Variants in TEAD1 observed in about 807,000 individuals in gnomAD.
The protein encoded by TEAD1 is TEA domain transcription factor 1, also known as transcriptional enhancer factor TEF-1.
TEAD1 carries 9 observed loss-of-function variants against 54.9 expected under a neutral mutation model. That is an observed-to-expected ratio of 0.16 (90% CI 0.10 to 0.29). The LOEUF (loss-of-function observed/expected upper bound fraction) is 0.29, where lower values mean the gene tolerates loss of function less well. Ranked by LOEUF, TEAD1 falls within the 10% of genes least tolerant of loss-of-function variation. TEAD1 has a pLI of 1.00. For missense variants in TEAD1, 387 were observed against 535.9 expected, an observed-to-expected ratio of 0.72 and a Z score of 2.74; for synonymous variants, 200 against 187.8, an observed-to-expected ratio of 1.07 and a Z score of -0.53.
At chr11:12,685,764 A>G (rs1335422837) in intron 2 of TEAD1, among the ~76,000 whole-genome samples, 4 of 152,242 alleles carry the variant, frequency 2.6e-5, no homozygotes, top group Non-Finnish European at 5.9e-5. Context: ...TAAACAATCC[A>G]GTAACTAAGT....
chr11:12,918,185 T>C (rs1427228258), intron 10 of TEAD1, among the ~76,000 whole-genome samples: 2 of 152,084 alleles, frequency 1.3e-5, no homozygotes, highest in Admixed American at 1.3e-4. Context: ...ACTCTGCAAA[T>C]CCCAGACTTC....
intron 2 of TEAD1, among the ~76,000 whole-genome samples, chr11:12,721,978 G>A (rs766059008): frequency 2.0e-5 from 3 of 152,148 alleles, no homozygotes; most frequent in Non-Finnish European, 4.4e-5. Flanking sequence ...TCAGATTCAG[G>A]TGCCTCACTC....
intron 3 of TEAD1, among the ~76,000 whole-genome samples, chr11:12,838,716 C>G (rs1435505473): frequency 6.6e-6 from 1 of 152,148 alleles, no homozygotes; most frequent in African/African-American, 2.4e-5. Flanking sequence ...TTGTCATCAG[C>G]AAAATTGAAA....
chr11:12,845,143 T>G (rs1947118569), intron 3 of TEAD1, among the ~76,000 whole-genome samples: 1 of 151,856 alleles, frequency 6.6e-6, no homozygotes, highest in East Asian at 1.9e-4. Flanking sequence ...TTTTGTATTT[T>G]TAGTAGACAC....
chr11:12,885,472 T>A (rs759267418), intron 9 of TEAD1, among the ~76,000 whole-genome samples: 2 of 151,936 alleles, frequency 1.3e-5, no homozygotes, highest in East Asian at 3.9e-4. Context: ...CTCCTGACCT[T>A]GTGATCTGCC....
At chr11:12,854,280 C>CT (rs1947329244) in intron 3 of TEAD1, among the ~76,000 whole-genome samples, 1 of 152,168 alleles carries the variant, frequency 6.6e-6, no homozygotes, top group African/African-American at 2.4e-5. Context: ...CCCTCTCACT[C>CT]TGTCATTTAC....
At chr11:12,836,352 G>A (rs958731935) in intron 3 of TEAD1, among the ~76,000 whole-genome samples, 11 of 151,848 alleles carry the variant, frequency 7.2e-5, no homozygotes, top group African/African-American at 2.2e-4. Context: ...CCGGGCAGGC[G>A]GAGCTTGCAG....
chr11:12,822,108 C>A (rs910030669), intron 3 of TEAD1, among the ~76,000 whole-genome samples: 1 of 151,824 alleles, frequency 6.6e-6, no homozygotes, highest in Non-Finnish European at 1.5e-5. Flanking sequence ...GGACTACAGG[C>A]ACCCACCACC....
chr11:12,786,733 T>C (rs1945684787), intron 3 of TEAD1, among the ~76,000 whole-genome samples: 1 of 152,092 alleles, frequency 6.6e-6, no homozygotes, highest in South Asian at 2.1e-4. Context: ...GTTGGTGAAC[T>C]CATGGAGCTT....
At chr11:12,893,277 G>A (rs999296148) in intron 9 of TEAD1, among the ~76,000 whole-genome samples, 6 of 152,138 alleles carry the variant, frequency 3.9e-5, no homozygotes, top group Non-Finnish European at 5.9e-5. Flanking sequence ...CCAGCAGGAC[G>A]TAGGAGATGG....
intron 3 of TEAD1, among the ~76,000 whole-genome samples, chr11:12,769,367 A>G (rs149308294): frequency 1.3e-5 from 2 of 152,208 alleles, no homozygotes; most frequent in Non-Finnish European, 2.9e-5. Flanking sequence ...GGCTTTTTAA[A>G]TGAGGTAGTG....
chr11:12,692,906 A>T (rs1943492128), intron 2 of TEAD1, among the ~76,000 whole-genome samples: 1 of 150,338 alleles, frequency 6.7e-6, no homozygotes, highest in African/African-American at 2.5e-5. Context: ...CTCCACCCCC[A>T]CCCCACAGAA....
intron 9 of TEAD1, among the ~76,000 whole-genome samples, chr11:12,885,940 A>C (rs1244220055): frequency 6.6e-6 from 1 of 152,196 alleles, no homozygotes; most frequent in Non-Finnish European, 1.5e-5. Context: ...GCCCCTGGGG[A>C]GTATAATGCC....
intron 6 of TEAD1, among the ~76,000 whole-genome samples, 165 bp from the exon 7 acceptor site, chr11:12,880,840 G>C (rs1018208762): frequency 6.6e-6 from 1 of 152,236 alleles, no homozygotes; most frequent in African/African-American, 2.4e-5. Flanking sequence ...CAAGGATATA[G>C]GTTGTGGTCT....
intron 3 of TEAD1, among the ~76,000 whole-genome samples, chr11:12,820,004 G>C (rs761697393): frequency 6.7e-6 from 1 of 148,658 alleles, no homozygotes; most frequent in Non-Finnish European, 1.5e-5. Flanking sequence ...GAGACTGGGT[G>C]GTTGGAGCTC....
At chr11:12,815,920 A>G (rs1038239413) in intron 3 of TEAD1, among the ~76,000 whole-genome samples, 2 of 152,244 alleles carry the variant, frequency 1.3e-5, no homozygotes, top group African/African-American at 2.4e-5. Context: ...AGTTAAGATC[A>G]TGTATATGAC....
At chr11:12,797,562 T>C (rs1036732583) in intron 3 of TEAD1, among the ~76,000 whole-genome samples, 30 of 147,004 alleles carry the variant, frequency 2.0e-4, no homozygotes, top group East Asian at 1.4e-3. Flanking sequence ...GTCCCTCTCT[T>C]TTTTTTTTTT....
rs898550304 is a variant in TEAD1, at chr11:12,937,865, G to C, written c.*643G>C. The stretch of plus-strand genomic sequence containing the variant: ...AAATGCTTGGTAGAAGTGTCCTAAT[G>C]AGACAAATTTGTACTTTTATCCTCA... On this transcript the variant is annotated 3_prime_UTR_variant, in exon 13 of 13. Coordinates refer to ENST00000527636, the MANE Select transcript of TEAD1 (RefSeq NM_021961.6). The C allele has an allele frequency of 1.3e-5, 2 of 152,304 alleles. No homozygotes were observed. Among genetic ancestry groups the C allele is most frequent in the African/African-American group, 4.8e-5 (2 of 41,332 alleles). The allele number at this position is 152,304 out of a possible 1,614,324, so 9.4% of individuals were successfully genotyped here. A position where few individuals can be genotyped will look rare whatever the true frequency, so the allele number is the denominator to read the frequency against.
intron 2 of TEAD1, among the ~76,000 whole-genome samples, chr11:12,705,599 T>TA (rs1943796987): frequency 6.6e-6 from 1 of 152,184 alleles, no homozygotes; most frequent in Admixed American, 6.5e-5. Context: ...AATTTTATCT[T>TA]ACATTGTGAA....
Sources: gnomAD v4.1 joint callset for allele counts (sites outside exome capture counted in the v4.1 genomes callset) on GRCh38, gnomAD v4.1.1 for gene constraint, MANE v1.5 for transcripts, NCBI Gene and HGNC (gene_info 2026-07-23, HGNC 2026-07-21) for gene names.